AP3B1: variants seen among roughly 807,000 people sequenced by gnomAD.
AP3B1 encodes AP-3 complex subunit beta-1.
In AP3B1, 61 loss-of-function variants were observed where a neutral mutation model predicts 132.5. The ratio of observed to expected loss-of-function variants is 0.46; its 90% CI spans 0.37 to 0.57. AP3B1 has a LOEUF of 0.57. Ranked by LOEUF, AP3B1 falls within the 20% of genes least tolerant of loss-of-function variation. AP3B1 has a pLI of 0.00. For missense variants in AP3B1, 1,120 were observed against 1,289.4 expected (o/e 0.87, Z 2.01); for synonymous variants, 388 against 438.3 (o/e 0.89, Z 1.43).
chr5:78,106,434 G>C (rs909970598), intron 20 of AP3B1, among the ~76,000 whole-genome samples: 1 of 151,890 alleles, frequency 6.6e-6, no homozygotes, highest in Non-Finnish European at 1.5e-5. Flanking sequence ...TTCCAGCTTG[G>C]GTGACAGAGC....
At chr5:78,176,097 G>C (rs1438982528) in intron 9 of AP3B1, among the ~76,000 whole-genome samples, 6 of 152,162 alleles carry the variant, frequency 3.9e-5, no homozygotes, top group Admixed American at 3.9e-4. Flanking sequence ...AAAATATGAA[G>C]TTAACATTGT....
intron 7 of AP3B1, among the ~76,000 whole-genome samples, chr5:78,190,242 T>A (rs576208966): frequency 6.6e-6 from 1 of 152,292 alleles, no homozygotes; most frequent in East Asian, 1.9e-4. Context: ...TCTCTTATAC[T>A]TTTTATGAAA....
chr5:78,240,650 C>T (rs1747089604), intron 3 of AP3B1, among the ~76,000 whole-genome samples: 1 of 152,190 alleles, frequency 6.6e-6, no homozygotes, highest in South Asian at 2.1e-4. Context: ...GGGAATCAAT[C>T]TGTTTTGCTT....
At chr5:78,282,295 C>T (rs1749092151) in intron 1 of AP3B1, among the ~76,000 whole-genome samples, 2 of 151,770 alleles carry the variant, frequency 1.3e-5, no homozygotes, top group African/African-American at 4.8e-5. Context: ...ATAAGCCTGC[C>T]TTCTTTTAGG....
chr5:78,204,361 T>C (rs1439869282), intron 7 of AP3B1, among the ~76,000 whole-genome samples: 6 of 152,168 alleles, frequency 3.9e-5, no homozygotes, highest in Non-Finnish European at 8.8e-5. Context: ...TGCCTAAAAC[T>C]TAGCTGGGCC....
At chr5:78,018,044 A>C (rs1746928546) in intron 25 of AP3B1, among the ~76,000 whole-genome samples, 1 of 152,046 alleles carries the variant, frequency 6.6e-6, no homozygotes, top group Non-Finnish European at 1.5e-5. Flanking sequence ...TTGCAATTTA[A>C]TTCACAAGAA....
At chr5:78,196,828 T>C (rs937443582) in intron 7 of AP3B1, among the ~76,000 whole-genome samples, 2 of 152,198 alleles carry the variant, frequency 1.3e-5, no homozygotes, top group African/African-American at 4.8e-5. Context: ...GCAAACTATG[T>C]AGACATTAAA....
At chr5:78,111,485 G>A (rs1751590472) in intron 19 of AP3B1, among the ~76,000 whole-genome samples, 1 of 152,114 alleles carries the variant, frequency 6.6e-6, no homozygotes, top group Admixed American at 6.6e-5. Context: ...TAAGTAATAA[G>A]TAATAAATTA....
Position 78,203,230 on chromosome 5 carries a change from A to T in AP3B1, c.786+12825T>A, listed in dbSNP as rs370457575. 2.0e-4 allele frequency among the ~76,000 whole-genome samples: 31 copies of T among 152,330 alleles called. 1 individual carries two copies. The East Asian group carries it at 5.4e-3, about 27-fold the overall frequency. The stretch of plus-strand genomic sequence containing the variant: ...TCCATTCTCACACTACTATTAAGAA[A>T]TACCCAAGACTGGATAATTTATAAA... On this transcript the variant is annotated intron_variant, in intron 7 of 26. Transcript: ENST00000255194.
rs768467649 is a variant in AP3B1, at chr5:78,003,073, G to A, written c.3132-18C>T. 6.2e-7 allele frequency: 1 copy of A among 1,613,546 alleles called. No individual in the cohort carries two copies. Among genetic ancestry groups the A allele is most frequent in the African/African-American group, 1.3e-5 (1 of 75,040 alleles). ...CTGCAAACCTGGAAGAGAAAAAAGA[G>A]AGACCTTTTATCATAAGATGGGGAG... is the stretch of plus-strand genomic sequence containing the variant. On this transcript the variant is annotated intron_variant, in intron 26 of 26. Coordinates refer to ENST00000255194, the MANE Select transcript of AP3B1 (RefSeq NM_003664.5).
intron 22 of AP3B1, among the ~76,000 whole-genome samples, chr5:78,068,614 C>A (rs1245954072): frequency 6.6e-6 from 1 of 152,100 alleles, no homozygotes; most frequent in Non-Finnish European, 1.5e-5. Flanking sequence ...TAATAAATAG[C>A]CTACCAACCC....
chr5:78,105,303 G>A (rs1479516043), intron 20 of AP3B1, among the ~76,000 whole-genome samples: 6 of 152,072 alleles, frequency 3.9e-5, no homozygotes, highest in African/African-American at 1.4e-4. Flanking sequence ...TGGTGTGGAG[G>A]AGCACTCTAA....
At chr5:78,129,819 T>C (rs1752617062) in intron 15 of AP3B1, among the ~76,000 whole-genome samples, 1 of 152,142 alleles carries the variant, frequency 6.6e-6, no homozygotes, top group African/African-American at 2.4e-5. Flanking sequence ...CCCTGAATTA[T>C]GACCCATTAA....
chr5:78,014,583 G>C (rs952327206), intron 26 of AP3B1, among the ~76,000 whole-genome samples: 21 of 152,178 alleles, frequency 1.4e-4, no homozygotes, highest in African/African-American at 5.1e-4. Context: ...AAGGTCTGCA[G>C]GCCTTCCCTT....
intron 11 of AP3B1, among the ~76,000 whole-genome samples, chr5:78,168,617 G>A (rs116670962): frequency 0.015 from 2,273 of 152,228 alleles, 59 homozygotes; most frequent in African/African-American, 0.051. Flanking sequence ...GATTTGAGAC[G>A]ATAGATGCCA....
At chr5:78,206,147 T>C (rs1208443833) in intron 7 of AP3B1, among the ~76,000 whole-genome samples, 1 of 152,124 alleles carries the variant, frequency 6.6e-6, no homozygotes, top group Non-Finnish European at 1.5e-5. Flanking sequence ...TCCTAATAAA[T>C]GAGAATGAGA....
chr5:78,227,404 C>G lies in AP3B1; in HGVS notation c.504G>C (p.Lys168Asn), dbSNP rs1213921175. 1 of 1,613,702 alleles carries G rather than the reference C, an allele frequency of 6.2e-7. No homozygotes were observed. Among genetic ancestry groups the G allele is most frequent in the East Asian group, 2.2e-5 (1 of 44,778 alleles). Residue 168 changes from lysine to asparagine, a missense_variant, in exon 5 of 27, where the codon AAG becomes AAC. Transcript: ENST00000255194. The stretch of plus-strand genomic sequence containing the variant: ...ATTTTTGTATTGCATGGGCTGCATT[C>G]TTCCTAACATATGGTGATAAGTCAG... ...ASADLSPYVR[K>N]NAAHAIQKLY...
At chr5:78,123,274 G>C (rs1321579922) in intron 17 of AP3B1, among the ~76,000 whole-genome samples, 1 of 152,180 alleles carries the variant, frequency 6.6e-6, no homozygotes, top group Non-Finnish European at 1.5e-5. Context: ...TACCATTCAG[G>C]ACAGAGGCAT....
chr5:78,159,960 T>C (rs1029835592), intron 13 of AP3B1, among the ~76,000 whole-genome samples: 2 of 152,208 alleles, frequency 1.3e-5, no homozygotes, highest in African/African-American at 4.8e-5. Context: ...TCTACTATCA[T>C]ACTCATTTTA....
Sources: gnomAD v4.1 joint callset for allele counts (sites outside exome capture counted in the v4.1 genomes callset) on GRCh38, gnomAD v4.1.1 for gene constraint, MANE v1.5 for transcripts, NCBI Gene and HGNC (gene_info 2026-07-23, HGNC 2026-07-21) for gene names.